SSBP3: variants seen among roughly 807,000 people sequenced by gnomAD.
The protein encoded by SSBP3 is single-stranded DNA-binding protein 3.
In SSBP3, 5 loss-of-function variants were observed where a neutral mutation model predicts 69.6. The observed-to-expected ratio is 0.07, with a 90% CI of 0.04 to 0.15. The LOEUF (loss-of-function observed/expected upper bound fraction) is 0.15, where lower values mean the gene tolerates loss of function less well. SSBP3 is among the 10% of genes least tolerant of loss of function. SSBP3 has a pLI of 1.00. For synonymous variants in SSBP3, 196 were observed against 193.4 expected (o/e 1.01, Z -0.11); for missense variants, 312 against 534.0 (o/e 0.58, Z 4.10).
chr1:54,282,572 A>G (rs1008754991), intron 4 of SSBP3, among the ~76,000 whole-genome samples: 2 of 152,138 alleles, frequency 1.3e-5, no homozygotes, highest in African/African-American at 4.8e-5. Context: ...CCTCCTTCCA[A>G]AGGATCTGTG....
At chr1:54,394,780 G>A (rs1175782795) in intron 4 of SSBP3, among the ~76,000 whole-genome samples, 1 of 138,470 alleles carries the variant, frequency 7.2e-6, no homozygotes, top group Admixed American at 8.2e-5. Flanking sequence ...TCGGCTCACT[G>A]CAACCTCCGC....
At chr1:54,392,769 A>T (rs1214814644) in intron 4 of SSBP3, among the ~76,000 whole-genome samples, 1 of 152,220 alleles carries the variant, frequency 6.6e-6, no homozygotes, top group Non-Finnish European at 1.5e-5. Context: ...GGGTGGCAGA[A>T]AGGGCAAGTA....
intron 4 of SSBP3, among the ~76,000 whole-genome samples, chr1:54,307,422 A>G (rs1035212957): frequency 6.7e-6 from 1 of 150,334 alleles, no homozygotes; most frequent in Non-Finnish European, 1.5e-5. Flanking sequence ...GTCTGGGCCC[A>G]GCACAGAATC....
At chr1:54,383,752 G>A (rs577659532) in intron 4 of SSBP3, among the ~76,000 whole-genome samples, 3 of 152,286 alleles carry the variant, frequency 2.0e-5, no homozygotes, top group African/African-American at 7.2e-5. Flanking sequence ...CAGGCTGAGT[G>A]ATGGAGTTCT....
chr1:54,402,840 C>T (rs1649408300), intron 3 of SSBP3, among the ~76,000 whole-genome samples: 2 of 152,206 alleles, frequency 1.3e-5, no homozygotes, highest in South Asian at 4.1e-4. Context: ...ACGGAGTTGT[C>T]AGTGATATTA....
At chr1:54,309,245 G>A (rs1645955712) in intron 4 of SSBP3, among the ~76,000 whole-genome samples, 1 of 152,206 alleles carries the variant, frequency 6.6e-6, no homozygotes. Context: ...TGAGGCATGA[G>A]CCCTGCCCTG....
intron 4 of SSBP3, among the ~76,000 whole-genome samples, chr1:54,348,259 G>GGGGGGGGGGGGGGA (rs1646723705): frequency 2.6e-5 from 3 of 117,538 alleles, no homozygotes; most frequent in Non-Finnish European, 3.6e-5. Context: ...GGGGGGGGGG[G>GGGGGGGGGGGGGGA]GCGGGTGAGG....
At chr1:54,306,370 A>G (rs900445683) in intron 4 of SSBP3, among the ~76,000 whole-genome samples, 1 of 152,248 alleles carries the variant, frequency 6.6e-6, no homozygotes, top group Non-Finnish European at 1.5e-5. Flanking sequence ...AAGTCCAAAC[A>G]GGAGTACAGT....
intron 4 of SSBP3, among the ~76,000 whole-genome samples, chr1:54,392,055 G>T (rs374720184): frequency 4.6e-5 from 7 of 151,642 alleles, no homozygotes; most frequent in Non-Finnish European, 8.8e-5. Context: ...AGTGGTCCAG[G>T]CCACAGTCCC....
chr1:54,403,516 C>T (rs767163678), intron 3 of SSBP3, among the ~76,000 whole-genome samples: 2 of 152,212 alleles, frequency 1.3e-5, no homozygotes, highest in Non-Finnish European at 2.9e-5. Flanking sequence ...TGGAATCCTT[C>T]CGCCACACAA....
At position 54,347,553 on chromosome 1, in the gene SSBP3, G is replaced by A. The variant is rs550308721; in HGVS notation, c.276+54308C>T. On this transcript the variant is annotated intron_variant, in intron 4 of 17. Coordinates refer to ENST00000610401, the Ensembl canonical transcript of SSBP3. ...CTGAATATTTTTGATTACTGAATCC[G>A]CAAATGCTGGCTGAACCTGCAGATG... Among the ~76,000 whole-genome samples, 19 of 152,244 alleles carry A rather than the reference G, an allele frequency of 1.2e-4. No individual in the cohort carries two copies. In the South Asian group the frequency reaches 3.5e-3, roughly 28 times the overall value.
At chr1:54,407,179 G>A (rs1441474540), upstream of SSBP3, among the ~76,000 whole-genome samples, 1 of 152,040 alleles carries the variant, frequency 6.6e-6, no homozygotes, top group East Asian at 1.9e-4. Context: ...GGGGACAGGG[G>A]ACTTGAATTA....
At chr1:54,327,903 G>C (rs1646338307) in intron 4 of SSBP3, among the ~76,000 whole-genome samples, 1 of 152,112 alleles carries the variant, frequency 6.6e-6, no homozygotes, top group Non-Finnish European at 1.5e-5. Context: ...TAAAGCAGTT[G>C]TCCTTTAAGC....
chr1:54,390,543 C>A (rs1170488491), intron 4 of SSBP3, among the ~76,000 whole-genome samples: 1 of 152,224 alleles, frequency 6.6e-6, no homozygotes, highest in Non-Finnish European at 1.5e-5. Context: ...CTGCAATTCC[C>A]TATTCCACGC....
intron 4 of SSBP3, among the ~76,000 whole-genome samples, chr1:54,340,753 G>C (rs1202101293): frequency 1.3e-5 from 2 of 152,170 alleles, no homozygotes; most frequent in African/African-American, 4.8e-5. Context: ...ACAAGGTTGG[G>C]GAGAAAAAAT....
intron 3 of SSBP3, among the ~76,000 whole-genome samples, chr1:54,403,876 G>A (rs982030517): frequency 6.6e-6 from 1 of 152,132 alleles, no homozygotes; most frequent in African/African-American, 2.4e-5. Flanking sequence ...ACAGAGACCA[G>A]ACCTGCGGTG....
At chr1:54,384,378 G>C (rs957959133) in intron 4 of SSBP3, among the ~76,000 whole-genome samples, 1 of 152,328 alleles carries the variant, frequency 6.6e-6, no homozygotes, top group African/African-American at 2.4e-5. Flanking sequence ...CCATTCAAAT[G>C]CACAGACTGC....
intron 4 of SSBP3, among the ~76,000 whole-genome samples, chr1:54,295,189 C>T (rs1645683770): frequency 6.6e-6 from 1 of 152,158 alleles, no homozygotes; most frequent in Non-Finnish European, 1.5e-5. Context: ...AGGATCCCTG[C>T]AGCTCACTAG....
At chr1:54,228,646 G>C (rs1394003292) in intron 15 of SSBP3, 102 bp downstream of exon 15, 15 of 1,484,936 alleles carry the variant, frequency 1.0e-5, no homozygotes, top group Non-Finnish European at 1.4e-5. Flanking sequence ...GCCCAGCCAA[G>C]GCCGGCCAGG....
Sources: gnomAD v4.1 joint callset for allele counts (sites outside exome capture counted in the v4.1 genomes callset) on GRCh38, gnomAD v4.1.1 for gene constraint, MANE v1.5 for transcripts, NCBI Gene and HGNC (gene_info 2026-07-23, HGNC 2026-07-21) for gene names.